ROBO2: variants seen among roughly 807,000 people sequenced by gnomAD.
ROBO2 encodes roundabout guidance receptor 2, also known as roundabout homolog 2.
ROBO2 carries 53 observed loss-of-function variants against 160.8 expected under a neutral mutation model. The ratio of observed to expected loss-of-function variants is 0.33; its 90% CI spans 0.26 to 0.41. ROBO2 has a LOEUF of 0.41. Among genes scored for constraint, ROBO2 ranks in the 10% least tolerant of loss-of-function variants. The pLI is 1.00. For missense variants in ROBO2, 1,577 were observed against 1,722.4 expected, an observed-to-expected ratio of 0.92 and a Z score of 1.49; for synonymous variants, 664 against 611.7, an observed-to-expected ratio of 1.09 and a Z score of -1.26.
intron 2 of ROBO2, among the ~76,000 whole-genome samples, chr3:76,691,998 G>T (rs142016582): frequency 1.3e-5 from 2 of 152,152 alleles, no homozygotes; most frequent in African/African-American, 4.8e-5. Flanking sequence ...AAGTAGTTGT[G>T]TGTGTAGGAG....
intron 2 of ROBO2, among the ~76,000 whole-genome samples, chr3:76,102,466 G>T (rs1454629016): frequency 6.6e-6 from 1 of 152,056 alleles, no homozygotes; most frequent in African/African-American, 2.4e-5. Flanking sequence ...TTAACAGCTT[G>T]GTAGAGAATT....
intron 2 of ROBO2, among the ~76,000 whole-genome samples, chr3:77,427,724 A>G (rs1468526661): frequency 2.6e-5 from 4 of 152,222 alleles, no homozygotes; most frequent in African/African-American, 4.8e-5. Context: ...TGCACCTGCT[A>G]CGTTGCTGAC....
rs528212982 is a variant in ROBO2, at chr3:77,333,872, G to A, written c.389-143542G>A. Reference sequence around the variant, plus strand: ...CTTTTTTCTGAAATAGGGATGGAAAGGGTATTAACTAGCATTAAAAAGGGC... The same window carrying A: ...CTTTTTTCTGAAATAGGGATGGAAAAGGTATTAACTAGCATTAAAAAGGGC... On this transcript the variant is annotated intron_variant, in intron 2 of 25. Coordinates refer to ENST00000461745, the Ensembl canonical transcript of ROBO2. Among the ~76,000 whole-genome samples the A allele has an allele frequency of 1.4e-4, 22 of 152,238 alleles. 1 individual carries two copies. In the South Asian group the frequency reaches 4.1e-3, roughly 29 times the overall value.
intron 2 of ROBO2, among the ~76,000 whole-genome samples, chr3:77,262,642 C>T (rs946567574): frequency 6.6e-6 from 1 of 151,904 alleles, no homozygotes; most frequent in Non-Finnish European, 1.5e-5. Context: ...CACACACACT[C>T]GCACTCCAAA....
chr3:77,494,513 G>A (rs1173792154), intron 5 of ROBO2, among the ~76,000 whole-genome samples: 1 of 152,128 alleles, frequency 6.6e-6, no homozygotes, highest in Non-Finnish European at 1.5e-5. Flanking sequence ...GGGAGGCAGT[G>A]GTTGCAGTGA....
intron 2 of ROBO2, among the ~76,000 whole-genome samples, chr3:76,502,842 C>T (rs2080543789): frequency 6.6e-6 from 1 of 152,058 alleles, no homozygotes; most frequent in Non-Finnish European, 1.5e-5. Flanking sequence ...AGGAATTAAA[C>T]CAACCCCTGA....
At chr3:76,547,056 G>T (rs2083148879) in intron 2 of ROBO2, among the ~76,000 whole-genome samples, 1 of 151,952 alleles carries the variant, frequency 6.6e-6, no homozygotes, top group South Asian at 2.1e-4. Context: ...CACAAAAGCA[G>T]TTAGGCTAAT....
intron 2 of ROBO2, among the ~76,000 whole-genome samples, chr3:76,429,062 T>C (rs188388836): frequency 2.6e-5 from 4 of 152,324 alleles, no homozygotes; most frequent in Admixed American, 2.6e-4. Flanking sequence ...AAAACATTTG[T>C]TGACTTCCTA....
intron 2 of ROBO2, among the ~76,000 whole-genome samples, chr3:77,351,703 A>G (rs1028348605): frequency 1.3e-5 from 2 of 152,144 alleles, no homozygotes; most frequent in African/African-American, 4.8e-5. Flanking sequence ...GTCATAATTA[A>G]CCAGGTTCTC....
At chr3:76,134,301 C>G (rs897201061) in intron 2 of ROBO2, among the ~76,000 whole-genome samples, 1 of 151,752 alleles carries the variant, frequency 6.6e-6, no homozygotes, top group African/African-American at 2.4e-5. Context: ...TGATAACCAC[C>G]GTAAATACAG....
intron 1 of ROBO2, among the ~76,000 whole-genome samples, chr3:77,064,672 T>C (rs1161591316): frequency 1.1e-4 from 16 of 152,192 alleles, no homozygotes; most frequent in African/African-American, 3.9e-4. Flanking sequence ...TAAAAACATA[T>C]TTCATTTCAG....
chr3:77,344,611 A>T (rs951245643), intron 2 of ROBO2, among the ~76,000 whole-genome samples: 1 of 152,136 alleles, frequency 6.6e-6, no homozygotes, highest in Non-Finnish European at 1.5e-5. Flanking sequence ...CAGCCACCAG[A>T]AGGTATAAGA....
chr3:76,377,623 CA>C (rs1273776835), intron 2 of ROBO2, among the ~76,000 whole-genome samples: 1 of 152,144 alleles, frequency 6.6e-6, no homozygotes, highest in African/African-American at 2.4e-5. Context: ...CTTTACACTT[CA>C]GCGAATGCTC....
intron 2 of ROBO2, among the ~76,000 whole-genome samples, chr3:76,709,073 T>G (rs2093232923): frequency 6.6e-6 from 1 of 152,174 alleles, no homozygotes; most frequent in Non-Finnish European, 1.5e-5. Context: ...TGGATTTATT[T>G]TTTATATCCT....
exon 23 of ROBO2, chr3:77,622,267 C>T: frequency 6.2e-7 from 1 of 1,614,126 alleles, no homozygotes; most frequent in Non-Finnish European, 8.5e-7. Flanking sequence ...GCCTCCAGTT[C>T]CACCGTTAGG....
At chr3:76,012,466 T>A (rs2107617298) in intron 2 of ROBO2, among the ~76,000 whole-genome samples, 1 of 152,306 alleles carries the variant, frequency 6.6e-6, no homozygotes, top group African/African-American at 2.4e-5. Flanking sequence ...TTTGACAGGT[T>A]CAATTTCCTT....
intron 2 of ROBO2, among the ~76,000 whole-genome samples, chr3:76,962,087 C>T (rs2079705072): frequency 6.6e-6 from 1 of 152,072 alleles, no homozygotes; most frequent in African/African-American, 2.4e-5. Flanking sequence ...GTAATCTCAG[C>T]ACTTTGGGAG....
intron 1 of ROBO2, among the ~76,000 whole-genome samples, chr3:77,054,763 C>A (rs2065555670): frequency 6.6e-6 from 1 of 152,042 alleles, no homozygotes; most frequent in African/African-American, 2.4e-5. Context: ...GTAATGGAGG[C>A]CAATTCCTAG....
At chr3:76,025,332 A>G (rs893772423) in intron 2 of ROBO2, among the ~76,000 whole-genome samples, 1 of 151,682 alleles carries the variant, frequency 6.6e-6, no homozygotes, top group African/African-American at 2.4e-5. Context: ...ACTTCCTCAC[A>G]ATTATCCTTA....
Sources: gnomAD v4.1 joint callset for allele counts (sites outside exome capture counted in the v4.1 genomes callset) on GRCh38, gnomAD v4.1.1 for gene constraint, MANE v1.5 for transcripts, NCBI Gene and HGNC (gene_info 2026-07-23, HGNC 2026-07-21) for gene names.